The following CACNG8 variants were observed in gnomAD, a reference collection of about 807,000 sequenced individuals.
CACNG8 encodes voltage-dependent calcium channel gamma-8 subunit.
CACNG8 carries 5 observed loss-of-function variants against 26.9 expected under a neutral mutation model. The observed-to-expected ratio is 0.19, with a 90% CI of 0.10 to 0.39. CACNG8 has a LOEUF of 0.39. Among genes scored for constraint, CACNG8 ranks in the 10% least tolerant of loss-of-function variants. The pLI is 1.00. For synonymous variants in CACNG8, 321 were observed against 296.7 expected (o/e 1.08, Z -0.84); for missense variants, 473 against 609.4 (o/e 0.78, Z 2.36).
intron 2 of CACNG8, among the ~76,000 whole-genome samples, chr19:53,979,138 T>A (rs1481383726): frequency 8.8e-6 from 1 of 113,916 alleles, no homozygotes; most frequent in Non-Finnish European, 1.7e-5. Flanking sequence ...GGAAGACAGA[T>A]GAGGCCAGGG....
intron 3 of CACNG8, among the ~76,000 whole-genome samples, chr19:53,981,687 G>A (rs1264734860): frequency 6.6e-6 from 1 of 152,060 alleles, no homozygotes; most frequent in Non-Finnish European, 1.5e-5. Context: ...ATCTGAGGGG[G>A]TGCTTGAGCC....
At chr19:53,964,745 T>A (rs1288908256) in intron 1 of CACNG8, among the ~76,000 whole-genome samples, 2 of 152,148 alleles carry the variant, frequency 1.3e-5, no homozygotes, top group Non-Finnish European at 2.9e-5. Context: ...ATTTCTTTCC[T>A]GAGTATCAAG....
Position 53,982,747 on chromosome 19 carries a change from G to T in CACNG8, c.1176G>T (p.Ala392=). The change falls in exon 4 of 4, where the codon GCG becomes GCT. Residue 392 remains alanine (A), a synonymous_variant. Coordinates refer to ENST00000270458, the MANE Select transcript of CACNG8 (RefSeq NM_031895.6). The surrounding 1 kb of genome is among the most constrained non-coding windows in gnomAD (Gnocchi z 8.4). ...TCACCGGGCCGCCCGCCCCGCCCGC[G>T]CCCGCGCCACCCGCGCCCTCTGCGC... 3 of 1,200,576 alleles carry T rather than the reference G, an allele frequency of 2.5e-6. No homozygotes were observed. Among genetic ancestry groups the T allele is most frequent in the Non-Finnish European group, 3.1e-6 (3 of 972,864 alleles). The allele number at this position is 1,200,576 out of a possible 1,614,324, so 74.4% of individuals were successfully genotyped here.
intron 2 of CACNG8, 86 bp downstream of exon 2, chr19:53,978,315 TG>T: frequency 9.9e-7 from 1 of 1,006,304 alleles, no homozygotes; most frequent in Non-Finnish European, 1.5e-6. Context: ...GAAAAGGCAC[TG>T]GGACTCCGGC....
rs996268966 is a variant in CACNG8 at position 53,984,741 on chromosome 19, A to T, written c.*1892A>T. 6.6e-6 allele frequency: 1 copy of T among 152,208 alleles called. No individual in the cohort carries two copies. Among genetic ancestry groups the T allele is most frequent in the Non-Finnish European group, 1.5e-5 (1 of 68,170 alleles). 9.4% of individuals were successfully genotyped at this position (152,208 alleles called of 1,614,324 possible). On this transcript the variant is annotated 3_prime_UTR_variant, in exon 4 of 4. Transcript: ENST00000270458. Reference sequence around the variant, plus strand: ...TGAGGCTGGAGTATCACTTGAGCCCAGGAGTTTGAGACCAGCCTGGATAAC... The same window carrying T: ...TGAGGCTGGAGTATCACTTGAGCCCTGGAGTTTGAGACCAGCCTGGATAAC...
intron 2 of CACNG8, 140 bp from the exon 3 acceptor site, chr19:53,979,723 AAAAT>A: frequency 1.3e-6 from 1 of 785,126 alleles, no homozygotes; most frequent in Non-Finnish European, 1.8e-6. Context: ...AGGCAACAGT[AAAAT>A]AAACCAGAAC....
Position 53,982,801 on chromosome 19 carries a change from C to A in CACNG8, c.1230C>A (p.Ala410=). 1 of 1,371,064 alleles carries A rather than the reference C, an allele frequency of 7.3e-7. No homozygotes were observed. Among genetic ancestry groups the A allele is most frequent in the Non-Finnish European group, 9.5e-7 (1 of 1,055,876 alleles). 84.9% of individuals were successfully genotyped at this position (1,371,064 alleles called of 1,614,324 possible). Residue 410 remains alanine, a synonymous_variant, in exon 4 of 4, where the codon GCC becomes GCA. Transcript: ENST00000270458. This position sits in a 1 kb window ranked among gnomAD's most constrained non-coding sequence, Gnocchi z 8.4. ...CCCCCGGGACCCTGGCCAAGGAGGC[C>A]GCCGCCTCCAACACCAACACGCTCA...
At chr19:53,967,816 C>CAG (rs200537812) in intron 1 of CACNG8, among the ~76,000 whole-genome samples, 1 of 152,016 alleles carries the variant, frequency 6.6e-6, no homozygotes, top group Non-Finnish European at 1.5e-5. Flanking sequence ...GCCTGGGCAA[C>CAG]AGAGAGAGAC....
intron 1 of CACNG8, among the ~76,000 whole-genome samples, chr19:53,972,356 CTTTTCTT>C (rs1227554455): frequency 9.6e-6 from 1 of 104,240 alleles, no homozygotes; most frequent in African/African-American, 3.9e-5. Flanking sequence ...CTCTTTTCTT[CTTTTCTT>C]TTTTTTTTTT....
chr19:53,979,427 G>A (rs2069350726), intron 2 of CACNG8, among the ~76,000 whole-genome samples: 1 of 151,886 alleles, frequency 6.6e-6, no homozygotes, highest in African/African-American at 2.4e-5. Flanking sequence ...TAGATGAAGC[G>A]AGGCAGAAAA....
intron 1 of CACNG8, among the ~76,000 whole-genome samples, chr19:53,973,027 C>T (rs948428418): frequency 1.3e-5 from 2 of 152,118 alleles, no homozygotes; most frequent in African/African-American, 4.8e-5. Flanking sequence ...GAGGGTTTGT[C>T]CTAGGGACTG....
chr19:53,982,875 G>A lies in CACNG8; in HGVS notation c.*26G>A, dbSNP rs1188150836. On this transcript the variant is annotated 3_prime_UTR_variant, in exon 4 of 4. Coordinates refer to ENST00000270458, the MANE Select transcript of CACNG8 (RefSeq NM_031895.6). This position sits in a 1 kb window ranked among gnomAD's most constrained non-coding sequence, Gnocchi z 8.4. The stretch of plus-strand genomic sequence containing the variant: ...GGGCGCGGCGGGGGAGCCGAGGGGC[G>A]TGTCCGGGGCGCGTGCGCGGGCGCG... 1 of 1,254,862 alleles carries A rather than the reference G, an allele frequency of 8.0e-7. No homozygotes were observed. Among genetic ancestry groups the A allele is most frequent in the Non-Finnish European group, 1.0e-6 (1 of 999,484 alleles). The allele number at this position is 1,254,862 out of a possible 1,614,324, so 77.7% of individuals were successfully genotyped here. A position where few individuals can be genotyped will look rare whatever the true frequency, so the allele number is the denominator to read the frequency against.
chr19:53,973,474 G>C (rs1362100859), intron 1 of CACNG8, among the ~76,000 whole-genome samples: 1 of 151,820 alleles, frequency 6.6e-6, no homozygotes, highest in African/African-American at 2.4e-5. Flanking sequence ...AGTGAGCCGA[G>C]ATTGTGCCAA....
chr19:53,972,231 G>C (rs527814056), intron 1 of CACNG8, among the ~76,000 whole-genome samples: 14 of 152,026 alleles, frequency 9.2e-5, no homozygotes, highest in African/African-American at 2.9e-4. Flanking sequence ...CCTGACCTCA[G>C]GTGATCTGCC....
Position 53,982,031 on chromosome 19 carries a change from G to T in CACNG8, c.509-49G>T, listed in dbSNP as rs781381207. ...GCAGGGGTCGGGGCCGGGGGCGGGG[G>T]CGGGGCCGGGGGTGGCCTCGAGGCT... On this transcript the variant is annotated intron_variant, in intron 3 of 3. Coordinates refer to ENST00000270458, the MANE Select transcript of CACNG8 (RefSeq NM_031895.6). This position sits in a 1 kb window ranked among gnomAD's most constrained non-coding sequence, Gnocchi z 8.4. 10 of 1,504,570 alleles carry T rather than the reference G, an allele frequency of 6.6e-6. No homozygotes were observed. The highest frequency in any genetic ancestry group is 8.8e-6 in the Non-Finnish European group (10 of 1,131,452). 93.2% of individuals were successfully genotyped at this position (1,504,570 alleles called of 1,614,324 possible).
At position 53,982,422 on chromosome 19, in the gene CACNG8, C is replaced by T. The variant is rs1200260318; in HGVS notation, c.851C>T (p.Ser284Leu). 9 of 1,520,350 alleles carry T rather than the reference C, an allele frequency of 5.9e-6. No homozygotes were observed. The highest frequency in any genetic ancestry group is 7.9e-6 in the Non-Finnish European group (9 of 1,140,746). 94.2% of individuals were successfully genotyped at this position (1,520,350 alleles called of 1,614,324 possible). A position where few individuals can be genotyped will look rare whatever the true frequency, so the allele number is the denominator to read the frequency against. Residue 284 changes from serine to leucine, a missense_variant, in exon 4 of 4, where the codon TCG becomes TTG. Physicochemically the swap from Ser to Leu is moderately radical, Grantham distance 145. Around this residue, in one of 6 missense-constraint regions of CACNG8, gnomAD observed 212 missense variants for 214.4 expected, o/e 0.99. Coordinates refer to ENST00000270458, the MANE Select transcript of CACNG8 (RefSeq NM_031895.6). This position sits in a 1 kb window ranked among gnomAD's most constrained non-coding sequence, Gnocchi z 8.4. ...TCTAGCTCCCGCTCCAGCGAGCCGT[C>T]GCCGTCGCGGGACGCGTCTCCCGGC...
At chr19:53,966,049 G>T (rs10420804) in intron 1 of CACNG8, among the ~76,000 whole-genome samples, 4,198 of 151,998 alleles carry the variant, frequency 0.028, 178 homozygotes, top group African/African-American at 0.088. Flanking sequence ...GGGTATCAGG[G>T]TCCCCATCCC....
chr19:53,980,279 G>A (rs1196587525), intron 3 of CACNG8, among the ~76,000 whole-genome samples: 1 of 152,026 alleles, frequency 6.6e-6, no homozygotes, highest in African/African-American at 2.4e-5. Flanking sequence ...CGCGTAAGAC[G>A]CCGGGCGCTT....
At position 53,988,302 on chromosome 19, in the gene CACNG8, G is replaced by GTGTGTGTGTGTA. The variant is rs1334661959; in HGVS notation, c.*5456_*5457insGTGTGTGTATGT. On this transcript the variant is annotated 3_prime_UTR_variant, in exon 4 of 4. Coordinates refer to ENST00000270458, the MANE Select transcript of CACNG8 (RefSeq NM_031895.6). Reference sequence around the variant, plus strand: ...TGTGTGTGTGTGTGTGTGTGTGTGTGTGTAACTGACACAAAGGCCAGGTGC... The same window carrying GTGTGTGTGTGTA: ...TGTGTGTGTGTGTGTGTGTGTGTGTGTGTGTGTGTGTATGTAACTGACACAAAGGCCAGGTGC... The GTGTGTGTGTGTA allele has an allele frequency of 6.8e-6, 1 of 146,280 alleles. No homozygotes were observed. The highest frequency in any genetic ancestry group is 2.5e-5 in the African/African-American group (1 of 40,216). 9.1% of individuals were successfully genotyped at this position (146,280 alleles called of 1,614,324 possible). A position where few individuals can be genotyped will look rare whatever the true frequency, so the allele number is the denominator to read the frequency against.
Sources: gnomAD v4.1 joint callset for allele counts (sites outside exome capture counted in the v4.1 genomes callset) on GRCh38, gnomAD v4.1.1 for gene constraint, gnomAD v4.1.1 regional missense constraint, Gnocchi (gnomAD v3.1) non-coding constraint, MANE v1.5 for transcripts, NCBI Gene and HGNC (gene_info 2026-07-23, HGNC 2026-07-21) for gene names.